Variants in ABCC11 observed in about 807,000 individuals in gnomAD.
ABCC11 encodes ATP-binding cassette sub-family C member 11.
Under a neutral mutation model 149.3 loss-of-function variants are expected in ABCC11, and 135 were observed. The observed-to-expected ratio is 0.90, with a 90% CI of 0.79 to 1.04. The LOEUF (loss-of-function observed/expected upper bound fraction) is 1.04, where lower values mean the gene tolerates loss of function less well. Among genes scored for constraint, ABCC11 ranks in the 50% least tolerant of loss-of-function variants. The probability of loss-of-function intolerance (pLI) is 0.00; values close to 1 mark genes in which losing one functional copy is unlikely to be tolerated. For synonymous variants in ABCC11, 665 were observed against 671.4 expected, an observed-to-expected ratio of 0.99 and a Z score of 0.15; for missense variants, 1,680 against 1,722.1, an observed-to-expected ratio of 0.98 and a Z score of 0.43.
chr16:48,169,976 T>C lies in ABCC11; in HGVS notation c.3891+129A>G, dbSNP rs1410052368. The C allele has an allele frequency of 1.4e-5, 9 of 643,918 alleles. No homozygotes were observed. The Admixed American group carries it at 2.4e-4, about 17-fold the overall frequency. The allele number at this position is 643,918 out of a possible 1,614,324, so 39.9% of individuals were successfully genotyped here. On this transcript the variant is annotated intron_variant, in intron 28 of 29. Transcript: ENST00000356608. ...CTGTTGCTGTTGTTGTTGTTGTTGTTGTTGTTGTTAAGACGTACACCACAG... is the reference window on the plus strand; with the variant it reads ...CTGTTGCTGTTGTTGTTGTTGTTGTCGTTGTTGTTAAGACGTACACCACAG...
At chr16:48,172,797 C>T (rs1259794787) in intron 26 of ABCC11, among the ~76,000 whole-genome samples, 3 of 152,142 alleles carry the variant, frequency 2.0e-5, no homozygotes, top group African/African-American at 4.8e-5. Flanking sequence ...CTTTCTGTTT[C>T]TTGCAGTGAA....
At chr16:48,232,091 A>C in intron 1 of ABCC11, 152 bp from the exon 2 acceptor site, 1 of 1,403,742 alleles carries the variant, frequency 7.1e-7, no homozygotes. Context: ...TCCTCTCCTT[A>C]GCCTGTGCTT....
chr16:48,211,305 T>C (rs773115252), intron 10 of ABCC11, 106 bp from the exon 11 acceptor site: 12 of 1,395,620 alleles, frequency 8.6e-6, no homozygotes, highest in Non-Finnish European at 1.2e-5. Flanking sequence ...TTTTGTGAAT[T>C]TCTAATAAGC....
At chr16:48,180,465 T>C (rs1966358979) in intron 23 of ABCC11, among the ~76,000 whole-genome samples, 2 of 152,188 alleles carry the variant, frequency 1.3e-5, no homozygotes, top group Non-Finnish European at 1.5e-5. Context: ...CAACTGAGCA[T>C]AGGCCTACCC....
Position 48,184,491 on chromosome 16 carries a change from A to G in ABCC11, c.3207T>C (p.Ile1069=), listed in dbSNP as rs145690475. The G allele has an allele frequency of 5.5e-4, 890 of 1,614,204 alleles. 2 individuals carry two copies. The highest frequency in any genetic ancestry group is 7.3e-4 in the Non-Finnish European group (859 of 1,180,024). The change falls in exon 23 of 30, where the codon ATT becomes ATC. Residue 1069 remains isoleucine (I), a synonymous_variant. Coordinates refer to ENST00000356608, the MANE Select transcript of ABCC11 (RefSeq NM_001370497.1). ...CTTTAAAGGAGTAGGGGGTGGAGGA[A>G]ATGCCAAAAGCCACGAACAGGGCAA... ...LAVALFVAFG[I]SSTPYSFKVM... is the part of the protein sequence containing the mutation.
intron 24 of ABCC11, among the ~76,000 whole-genome samples, chr16:48,177,973 A>C (rs1048689918): frequency 5.9e-5 from 9 of 152,200 alleles, no homozygotes; most frequent in Admixed American, 5.9e-4. Flanking sequence ...TGATCCCATG[A>C]GATAGTCTAG....
intron 26 of ABCC11, among the ~76,000 whole-genome samples, chr16:48,174,817 C>CTTGT (rs375150417): frequency 6.6e-5 from 10 of 151,994 alleles, no homozygotes; most frequent in Non-Finnish European, 1.2e-4. Context: ...TGTTTGTTTG[C>CTTGT]TTGTTTGTTT....
intron 20 of ABCC11, among the ~76,000 whole-genome samples, chr16:48,189,107 A>G (rs972492860): frequency 6.6e-6 from 1 of 152,208 alleles, no homozygotes; most frequent in Non-Finnish European, 1.5e-5. Flanking sequence ...AATCCCTTCA[A>G]TTTTATTTCC....
At chr16:48,244,744 G>T in intron 1 of ABCC11, 1 of 607,864 alleles carries the variant, frequency 1.6e-6, no homozygotes, top group Non-Finnish European at 2.5e-6. Context: ...GCTCGGTTCC[G>T]CCTCTCTGGT....
chr16:48,231,904 T>C lies in ABCC11; in HGVS notation c.18A>G (p.Thr6=). The change falls in exon 2 of 30, where the codon ACA becomes ACG. Residue 6 remains threonine (T), a synonymous_variant. Coordinates refer to ENST00000356608, the MANE Select transcript of ABCC11 (RefSeq NM_001370497.1). MTRKR[T]YWVPNSSGGL... ...CACCAGAAGAGTTGGGCACCCAGTA[T>C]GTCCTCTTCCTAGTCATTTTCAGTT... is the stretch of plus-strand genomic sequence containing the variant. 6.2e-7 allele frequency: 1 copy of C among 1,614,170 alleles called. No homozygotes were observed. Among genetic ancestry groups the C allele is most frequent in the Non-Finnish European group, 8.5e-7 (1 of 1,180,014 alleles).
intron 1 of ABCC11, among the ~76,000 whole-genome samples, chr16:48,245,821 T>C (rs1338766512): frequency 6.6e-6 from 1 of 152,160 alleles, no homozygotes; most frequent in Non-Finnish European, 1.5e-5. Flanking sequence ...CCACATTATA[T>C]TTTTATTGGA....
At chr16:48,242,912 G>A (rs111915588) in intron 1 of ABCC11, among the ~76,000 whole-genome samples, 24,041 of 151,780 alleles carry the variant, frequency 0.16, 3,619 homozygotes, top group East Asian at 0.85. Flanking sequence ...GGTGGGGAGT[G>A]GGGGGGAAGG....
At chr16:48,189,630 T>A (rs1966854211) in intron 20 of ABCC11, among the ~76,000 whole-genome samples, 1 of 152,180 alleles carries the variant, frequency 6.6e-6, no homozygotes, top group Non-Finnish European at 1.5e-5. Flanking sequence ...CGAAATGTCA[T>A]TTAGAGGCAT....
intron 23 of ABCC11, among the ~76,000 whole-genome samples, chr16:48,181,724 C>T (rs912355707): frequency 2.0e-5 from 3 of 152,146 alleles, no homozygotes; most frequent in East Asian, 1.9e-4. Flanking sequence ...CATTCTCCTG[C>T]CTCAGCCTCC....
intron 23 of ABCC11, among the ~76,000 whole-genome samples, chr16:48,179,651 A>G (rs929317099): frequency 5.9e-5 from 9 of 152,246 alleles, no homozygotes; most frequent in Non-Finnish European, 1.0e-4. Context: ...AGACAAGGCA[A>G]CAAAGAATAA....
At position 48,216,213 on chromosome 16, in the gene ABCC11, G is replaced by C. The variant is rs1334639405; in HGVS notation, c.852C>G (p.Thr284=). The part of the protein sequence containing the change: ...GVCYGPLVLI[T]CASLVICSIS... Reference sequence around the variant, plus strand: ...TGCTGCAGATGACCAGCGATGCGCAGGTGATCAGTACTAGGGGTCCATAGC... The same window carrying C: ...TGCTGCAGATGACCAGCGATGCGCACGTGATCAGTACTAGGGGTCCATAGC... The change falls in exon 7 of 30, where the codon ACC becomes ACG. Residue 284 remains threonine, a synonymous_variant. Transcript: ENST00000356608. 1.2e-6 allele frequency: 2 copies of C among 1,614,160 alleles called. No homozygotes were observed. The highest frequency in any genetic ancestry group is 2.2e-5 in the South Asian group (2 of 91,082).
intron 28 of ABCC11, among the ~76,000 whole-genome samples, chr16:48,168,636 T>A (rs1381089829): frequency 3.3e-5 from 5 of 152,192 alleles, no homozygotes; most frequent in Non-Finnish European, 7.3e-5. Flanking sequence ...CACCTGAAAT[T>A]ATGGACAAAA....
In ABCC11 at chr16:48,181,858, C is replaced by G. The variant is rs1567486890; in HGVS notation, c.3258+2582G>C. Among the ~76,000 whole-genome samples, 4 of 152,214 alleles carry G rather than the reference C, an allele frequency of 2.6e-5. 1 individual carries two copies. Among genetic ancestry groups the G allele is most frequent in the Admixed American group, 2.0e-4 (3 of 15,282 alleles). On this transcript the variant is annotated intron_variant, in intron 23 of 29. Coordinates refer to ENST00000356608, the MANE Select transcript of ABCC11 (RefSeq NM_001370497.1). ...TCGATCTCCTGACCTCGTGATCCACCCACCTTGGACTCTCAAAGTGCTGGG... is the reference window on the plus strand; with the variant it reads ...TCGATCTCCTGACCTCGTGATCCACGCACCTTGGACTCTCAAAGTGCTGGG...
chr16:48,169,356 G>A (rs1051981887), intron 28 of ABCC11, among the ~76,000 whole-genome samples: 1 of 152,180 alleles, frequency 6.6e-6, no homozygotes, highest in Non-Finnish European at 1.5e-5. Flanking sequence ...ATGGCACTCA[G>A]TGAAATGAAT....
Sources: allele counts gnomAD v4.1 joint callset (sites outside exome capture counted in the v4.1 genomes callset), GRCh38; gene constraint gnomAD v4.1.1; transcripts MANE v1.5; gene names NCBI Gene and HGNC (gene_info 2026-07-23, HGNC 2026-07-21).